Variants in LRRC37A2 observed in about 807,000 individuals in gnomAD.
LRRC37A2 encodes the protein leucine rich repeat containing 37 member A2, also known as leucine-rich repeat-containing protein 37A2.
In LRRC37A2, 9 loss-of-function variants were observed where a neutral mutation model predicts 68.8. The observed-to-expected ratio is 0.13, with a 90% confidence interval of 0.08 to 0.23. The LOEUF (loss-of-function observed/expected upper bound fraction) is 0.23, where lower values mean the gene tolerates loss of function less well. Among genes scored for constraint, LRRC37A2 ranks in the 10% least tolerant of loss-of-function variants. The pLI is 1.00. For synonymous variants in LRRC37A2, 63 were observed against 367.6 expected (o/e 0.17, Z 9.48); for missense variants, 168 against 950.4 (o/e 0.18, Z 10.82).
the LRRC37A2 span, among the ~76,000 whole-genome samples, chr17:46,601,643 CA>C: frequency 6.8e-6 from 1 of 147,170 alleles, no homozygotes; most frequent in Non-Finnish European, 1.5e-5. Context: ...TACTGATTTG[CA>C]ATGCTATCTC....
chr17:46,876,299 T>C, the LRRC37A2 span: 1 of 1,614,148 alleles, frequency 6.2e-7, no homozygotes, highest in Non-Finnish European at 8.5e-7. Context: ...ATCAGGCTCC[T>C]GTGCCGTGCG....
the LRRC37A2 span, among the ~76,000 whole-genome samples, chr17:47,023,376 T>A: frequency 2.6e-5 from 4 of 152,324 alleles, no homozygotes; most frequent in Admixed American, 2.6e-4. Flanking sequence ...AGACAAGCCA[T>A]GATGAGTTCT....
At chr17:46,772,987 T>C in the LRRC37A2 span, among the ~76,000 whole-genome samples, 1 of 152,060 alleles carries the variant, frequency 6.6e-6, no homozygotes, top group African/African-American at 2.4e-5. Flanking sequence ...TTCCACCCAG[T>C]CCATGAGCCC....
At chr17:46,929,845 C>A in the LRRC37A2 span, 1 of 470,442 alleles carries the variant, frequency 2.1e-6, no homozygotes, top group Non-Finnish European at 3.9e-6. Flanking sequence ...TTGCCTCCAT[C>A]TATCTTAATC....
At chr17:46,743,087 C>T in the LRRC37A2 span, among the ~76,000 whole-genome samples, 1 of 152,144 alleles carries the variant, frequency 6.6e-6, no homozygotes, top group Non-Finnish European at 1.5e-5. Context: ...GCCATGACTC[C>T]TTCGGAGGGG....
chr17:46,844,231 A>G, the LRRC37A2 span, among the ~76,000 whole-genome samples: 1 of 151,822 alleles, frequency 6.6e-6, no homozygotes, highest in South Asian at 2.1e-4. Context: ...TGCTAGGATT[A>G]TAGGCATGAG....
At chr17:46,825,790 G>A in the LRRC37A2 span, among the ~76,000 whole-genome samples, 5 of 152,254 alleles carry the variant, frequency 3.3e-5, no homozygotes, top group Admixed American at 1.3e-4. Flanking sequence ...TTGGGAGGCC[G>A]AGGTGGGCGG....
the LRRC37A2 span, among the ~76,000 whole-genome samples, chr17:46,777,144 A>AC: frequency 6.6e-6 from 1 of 152,086 alleles, no homozygotes; most frequent in South Asian, 2.1e-4. Context: ...TGGGAGGTGG[A>AC]GGTTGTTGTG....
chr17:46,735,884 G>A, the LRRC37A2 span, among the ~76,000 whole-genome samples: 1 of 152,308 alleles, frequency 6.6e-6, no homozygotes, highest in East Asian at 1.9e-4. Flanking sequence ...GGCGGAGTTT[G>A]CAGTGAGCTG....
chr17:46,804,329 T>C, the LRRC37A2 span, among the ~76,000 whole-genome samples: 2 of 152,114 alleles, frequency 1.3e-5, no homozygotes, highest in African/African-American at 4.8e-5. Context: ...TCAAGTGATC[T>C]GCCTGCCTCG....
chr17:46,768,002 G>A, the LRRC37A2 span, among the ~76,000 whole-genome samples: 13 of 152,052 alleles, frequency 8.5e-5, no homozygotes, highest in East Asian at 5.8e-4. This position sits in a 1 kb window ranked among gnomAD's most constrained non-coding sequence, Gnocchi z 5.0. Context: ...TGGCCAGGCC[G>A]GTCTCGAACT....
At chr17:46,969,944 CG>C in the LRRC37A2 span, among the ~76,000 whole-genome samples, 2 of 152,120 alleles carry the variant, frequency 1.3e-5, no homozygotes, top group Non-Finnish European at 2.9e-5. Flanking sequence ...TGGTGATGTG[CG>C]GGGTGGGGGA....
At chr17:46,830,637 AGAAAATCTGAAAT>A in the LRRC37A2 span, 8 of 398,542 alleles carry the variant, frequency 2.0e-5, no homozygotes, top group African/African-American at 1.0e-4. Flanking sequence ...CCAGAATTTA[AGAAAATCTGAAAT>A]GAAAATCTGA....
At chr17:46,449,755 CT>C in the LRRC37A2 span, among the ~76,000 whole-genome samples, 354 of 88,660 alleles carry the variant, frequency 4.0e-3, 41 homozygotes, top group East Asian at 0.015. Flanking sequence ...GTTTGATTTT[CT>C]TTTTTTTTTT....
the LRRC37A2 span, among the ~76,000 whole-genome samples, chr17:46,858,763 C>T: frequency 1.3e-5 from 2 of 152,136 alleles, no homozygotes; most frequent in Non-Finnish European, 2.9e-5. Context: ...ACCTTCTGGA[C>T]TCAAGTGATC....
At chr17:47,029,171 G>A in the LRRC37A2 span, among the ~76,000 whole-genome samples, 10 of 151,670 alleles carry the variant, frequency 6.6e-5, no homozygotes, top group Non-Finnish European at 1.0e-4. Context: ...GGCTGGTCTC[G>A]AACTCCTGTG....
the LRRC37A2 span, among the ~76,000 whole-genome samples, chr17:46,502,420 G>A: frequency 1.3e-5 from 2 of 150,998 alleles, no homozygotes; most frequent in Non-Finnish European, 2.9e-5. Context: ...TCCTGTCTCA[G>A]CCTCCCAAGT....
chr17:46,525,608 AATAATAATC>A (rs1490219259), intron 6 of LRRC37A2, among the ~76,000 whole-genome samples: 5 of 118,554 alleles, frequency 4.2e-5, no homozygotes, highest in African/African-American at 9.2e-5. Context: ...ATAATATAAT[AATAATAATC>A]ATCATCATCA....
At chr17:46,491,822 A>G in the LRRC37A2 span, among the ~76,000 whole-genome samples, 1 of 146,130 alleles carries the variant, frequency 6.8e-6, no homozygotes, top group South Asian at 2.1e-4. Flanking sequence ...AGATGATCAT[A>G]TAGTTTTCCT....
Sources: allele counts gnomAD v4.1 joint callset (sites outside exome capture counted in the v4.1 genomes callset), GRCh38; gene constraint gnomAD v4.1.1; non-coding constraint Gnocchi (gnomAD v3.1); transcripts MANE v1.5; gene names NCBI Gene and HGNC (gene_info 2026-07-23, HGNC 2026-07-21).